PARP9: variants seen among roughly 807,000 people sequenced by gnomAD.
The protein encoded by PARP9 is poly(ADP-ribose) polymerase family member 9, also known as protein mono-ADP-ribosyltransferase PARP9.
PARP9 carries 48 observed loss-of-function variants against 68.8 expected under a neutral mutation model. That is an observed-to-expected ratio of 0.70 (90% confidence interval 0.55 to 0.89). PARP9 has a LOEUF of 0.89. Ranked by LOEUF, PARP9 falls within the 40% of genes least tolerant of loss-of-function variation. The probability of loss-of-function intolerance (pLI) is 0.00; values close to 1 mark genes in which losing one functional copy is unlikely to be tolerated. For synonymous variants in PARP9, 309 were observed against 333.8 expected, an observed-to-expected ratio of 0.93 and a Z score of 0.81; for missense variants, 806 against 969.3, an observed-to-expected ratio of 0.83 and a Z score of 2.24.
At chr3:122,540,320 C>T (rs1364444425) in intron 8 of PARP9, 152 bp downstream of exon 8, 3 of 975,956 alleles carry the variant, frequency 3.1e-6, no homozygotes, top group Non-Finnish European at 4.4e-6. Context: ...AAAAAAATAG[C>T]TCACAAAGGC....
chr3:122,540,556 C>G lies in PARP9; in HGVS notation c.1681G>C (p.Val561Leu). The G allele has an allele frequency of 6.2e-7, 1 of 1,614,230 alleles. No homozygotes were observed. ...AGCATATCTTCAATGTTCATAACCA[C>G]CTCAATGAGGTCAGCCCGGGCTCCT... ...IEGARADLIEVVMNIEDMLCK... is the reference protein window; with the variant it reads ...IEGARADLIELVMNIEDMLCK... Residue 561 changes from valine to leucine, a missense_variant, in exon 8 of 11, where the codon GTG becomes CTG. Val to Leu is a conservative substitution (Grantham distance 32, BLOSUM62 1). Transcript: ENST00000682323.
intron 1 of PARP9, among the ~76,000 whole-genome samples, chr3:122,562,500 T>C (rs941644991): frequency 1.6e-4 from 24 of 152,144 alleles, no homozygotes; most frequent in Non-Finnish European, 3.2e-4. Context: ...GCCATCAATA[T>C]ACTCTTTTCA....
chr3:122,548,177 C>T (rs1249949449), intron 6 of PARP9, among the ~76,000 whole-genome samples: 2 of 152,182 alleles, frequency 1.3e-5, no homozygotes, highest in Non-Finnish European at 2.9e-5. Flanking sequence ...TACAAATCTC[C>T]CCGTGTTTAA....
At chr3:122,563,421 G>A (rs973657025) in intron 1 of PARP9, among the ~76,000 whole-genome samples, 1 of 152,160 alleles carries the variant, frequency 6.6e-6, no homozygotes, top group Non-Finnish European at 1.5e-5. Context: ...GATATGTCAA[G>A]CTAAATAACA....
chr3:122,546,544 A>G (rs1375662805), intron 6 of PARP9, among the ~76,000 whole-genome samples: 1 of 152,218 alleles, frequency 6.6e-6, no homozygotes, highest in Non-Finnish European at 1.5e-5. Context: ...ACTACAACTT[A>G]TTTAGGAAGA....
chr3:122,539,549 TTCTTTC>T (rs2077988804), intron 8 of PARP9, among the ~76,000 whole-genome samples: 1 of 68,432 alleles, frequency 1.5e-5, no homozygotes, highest in African/African-American at 4.3e-5. Context: ...CTTTCTTTCT[TTCTTTC>T]TTTCTTTCTT....
chr3:122,559,540 T>C, intron 2 of PARP9, 66 bp downstream of exon 2: 1 of 1,477,270 alleles, frequency 6.8e-7, no homozygotes, highest in Non-Finnish European at 9.1e-7. Context: ...GATTTCTTGC[T>C]GTTATATAAA....
At chr3:122,554,133 G>C (rs1398507902) in intron 4 of PARP9, among the ~76,000 whole-genome samples, 5 of 151,930 alleles carry the variant, frequency 3.3e-5, no homozygotes, top group Non-Finnish European at 7.4e-5. Flanking sequence ...AGCTCCACCT[G>C]TGTCTCCTGA....
chr3:122,540,998 C>G (rs1559827029), intron 7 of PARP9, 146 bp from the exon 8 acceptor site: 1 of 874,480 alleles, frequency 1.1e-6, no homozygotes, highest in South Asian at 1.8e-5. Flanking sequence ...TCACGCCATT[C>G]TCCTGCCTCA....
chr3:122,558,917 G>A (rs2079952195), intron 2 of PARP9, among the ~76,000 whole-genome samples: 1 of 152,140 alleles, frequency 6.6e-6, no homozygotes, highest in Non-Finnish European at 1.5e-5. Context: ...GTCTTGCTAT[G>A]TTGACCAGGC....
chr3:122,549,617 C>CA (rs1459961059), intron 6 of PARP9, among the ~76,000 whole-genome samples: 1 of 151,736 alleles, frequency 6.6e-6, no homozygotes, highest in African/African-American at 2.4e-5. Context: ...TGCTTTTCTA[C>CA]AAAAAATTTA....
At chr3:122,534,553 T>C (rs1007716564) in intron 10 of PARP9, 5 of 611,822 alleles carry the variant, frequency 8.2e-6, no homozygotes, top group African/African-American at 4.0e-5. Context: ...ATAATGAGTA[T>C]GTTGGGGGCA....
In PARP9 at chr3:122,540,889, C is replaced by G; in HGVS notation, c.1385-37G>C. ...ATAATAAGCAACCATGGAAGACTAGCAGTTTTTTGTTTTTTTTTTGAGATG... is the reference window on the plus strand; with the variant it reads ...ATAATAAGCAACCATGGAAGACTAGGAGTTTTTTGTTTTTTTTTTGAGATG... On this transcript the variant is annotated intron_variant, in intron 7 of 10. Coordinates refer to ENST00000682323, the MANE Select transcript of PARP9 (RefSeq NM_001146105.2). 3.3e-6 allele frequency: 5 copies of G among 1,495,304 alleles called. 1 individual carries two copies. Among genetic ancestry groups the G allele is most frequent in the Non-Finnish European group, 4.5e-6 (5 of 1,115,986 alleles). 92.6% of individuals were successfully genotyped at this position (1,495,304 alleles called of 1,614,324 possible). A position where few individuals can be genotyped will look rare whatever the true frequency, so the allele number is the denominator to read the frequency against.
At chr3:122,537,669 G>A (rs1347306387) in intron 8 of PARP9, among the ~76,000 whole-genome samples, 1 of 152,144 alleles carries the variant, frequency 6.6e-6, no homozygotes, top group Non-Finnish European at 1.5e-5. Context: ...AAGTGACAAG[G>A]CAAAATACTT....
chr3:122,547,041 CAT>C (rs2078783454), intron 6 of PARP9, among the ~76,000 whole-genome samples: 2 of 124,124 alleles, frequency 1.6e-5, no homozygotes, highest in African/African-American at 5.7e-5. Context: ...CACACATATA[CAT>C]ACACACATAT....
intron 6 of PARP9, chr3:122,545,706 A>C: frequency 1.8e-6 from 1 of 541,264 alleles, no homozygotes; most frequent in South Asian, 2.6e-5. Flanking sequence ...ATGGAGATGA[A>C]ATCAAAATCT....
intron 4 of PARP9, among the ~76,000 whole-genome samples, chr3:122,552,897 C>T (rs918345651): frequency 1.3e-5 from 2 of 151,958 alleles, no homozygotes; most frequent in Admixed American, 1.3e-4. Flanking sequence ...CATCTGTTTG[C>T]CCCTTGCTGT....
intron 5 of PARP9, 114 bp downstream of exon 5, chr3:122,552,304 T>C: frequency 1.3e-6 from 1 of 792,128 alleles, no homozygotes. Context: ...AATTGAGAAC[T>C]ATACCACTTG....
intron 4 of PARP9, among the ~76,000 whole-genome samples, chr3:122,554,809 A>G (rs1424413571): frequency 6.6e-6 from 1 of 152,000 alleles, no homozygotes; most frequent in Non-Finnish European, 1.5e-5. Flanking sequence ...CCTTGAACTC[A>G]TGGGCTCAAG....
Sources: allele counts gnomAD v4.1 joint callset (sites outside exome capture counted in the v4.1 genomes callset), GRCh38; gene constraint gnomAD v4.1.1; transcripts MANE v1.5; gene names NCBI Gene and HGNC (gene_info 2026-07-23, HGNC 2026-07-21).